The following CDH11 variants were observed in gnomAD, a reference collection of about 807,000 sequenced individuals.
CDH11 encodes the protein cadherin 11, also known as cadherin-11.
In CDH11, 11 loss-of-function variants were observed where a neutral mutation model predicts 67.8. The ratio of observed to expected loss-of-function variants is 0.16; its 90% CI spans 0.10 to 0.27. The LOEUF is 0.27. CDH11 is among the 10% of genes least tolerant of loss of function. The pLI is 1.00. For synonymous variants in CDH11, 419 were observed against 400.0 expected (o/e 1.05, Z -0.57); for missense variants, 847 against 1,031.2 (o/e 0.82, Z 2.45).
At chr16:65,063,988 G>C (rs768138539) in intron 1 of CDH11, among the ~76,000 whole-genome samples, 2 of 152,162 alleles carry the variant, frequency 1.3e-5, no homozygotes, top group Non-Finnish European at 2.9e-5. Context: ...CATGTGTTGG[G>C]GATTTCATGG....
chr16:65,019,106 A>G (rs929629085), intron 2 of CDH11, among the ~76,000 whole-genome samples: 2 of 152,202 alleles, frequency 1.3e-5, no homozygotes, highest in Non-Finnish European at 2.9e-5. Context: ...AAAGCCAAAC[A>G]CCATTTTATA....
Position 65,004,713 on chromosome 16 carries a change from G to T in CDH11, c.157C>A (p.Arg53Ser), listed in dbSNP as rs745457288. Residue 53 changes from arginine to serine, a missense_variant, in exon 3 of 13, where the codon CGT (arginine) becomes AGT (serine). By Grantham distance (110) the Arg-to-Ser change is moderately radical. Around this residue, in one of 2 missense-constraint regions of CDH11, gnomAD observed 235 missense variants for 352.5 expected, o/e 0.67. Coordinates refer to ENST00000268603, the MANE Select transcript of CDH11 (RefSeq NM_001797.4). ...KEGQVLQRSK[R>S]GWVWNQFFVI... ...AAGAACTGGTTCCAGACCCAGCCAC[G>T]CTTGGAGCGCTGTAGCACCTGCCCC... is the stretch of plus-strand genomic sequence containing the variant. 6.2e-7 allele frequency: 1 copy of T among 1,613,936 alleles called. No individual in the cohort carries two copies.
rs2071224581 is a variant in CDH11, at chr16:64,947,511, T to C, written c.*92A>G. 2 of 1,515,640 alleles carry C rather than the reference T, an allele frequency of 1.3e-6. No individual in the cohort carries two copies. The highest frequency in any genetic ancestry group is 1.8e-6 in the Non-Finnish European group (2 of 1,135,528). 93.9% of individuals were successfully genotyped at this position (1,515,640 alleles called of 1,614,324 possible). A position where few individuals can be genotyped will look rare whatever the true frequency, so the allele number is the denominator to read the frequency against. ...AACTTTGCCTGTTTTAAATGAGCCT[T>C]TCCTTGATTTAAAAAAATACCTGTT... On this transcript the variant is annotated 3_prime_UTR_variant, in exon 13 of 13. Transcript: ENST00000268603.
Position 65,121,828 on chromosome 16 carries a change from AT to A in CDH11, c.-298+51del. On this transcript the variant is annotated intron_variant, in intron 1 of 12. Coordinates refer to ENST00000268603, the MANE Select transcript of CDH11 (RefSeq NM_001797.4). The surrounding 1 kb of genome is among the most constrained non-coding windows in gnomAD (Gnocchi z 4.1). ...TCTTCCTGAGAAAATCCTGCCCCCCATTCCAAGAAGCCCCAACCAGGCGAGA... is the reference window on the plus strand; with the variant it reads ...TCTTCCTGAGAAAATCCTGCCCCCCATCCAAGAAGCCCCAACCAGGCGAGA... 1 of 684,954 alleles carries A rather than the reference AT, an allele frequency of 1.5e-6. No homozygotes were observed. Among genetic ancestry groups the A allele is most frequent in the South Asian group, 1.5e-5 (1 of 67,180 alleles). 42.4% of individuals were successfully genotyped at this position (684,954 alleles called of 1,614,324 possible).
Position 64,998,741 on chromosome 16 carries a change from G to A in CDH11, c.344C>T (p.Thr115Met), listed in dbSNP as rs761904057. The A allele has an allele frequency of 9.3e-6, 15 of 1,613,980 alleles. No homozygotes were observed. Among genetic ancestry groups the A allele is most frequent in the African/African-American group, 6.7e-5 (5 of 74,890 alleles). Residue 115 changes from threonine to methionine, a missense_variant, in exon 4 of 13, where the codon ACG (threonine) becomes ATG (methionine). Thr to Met is a moderately conservative substitution (Grantham distance 81). Around this residue, in one of 2 missense-constraint regions of CDH11, gnomAD observed 235 missense variants for 352.5 expected, o/e 0.67. Coordinates refer to ENST00000268603, the MANE Select transcript of CDH11 (RefSeq NM_001797.4). ...DKSGNIHATK[T>M]LDREERAQYT... ...CTGGGCTCTCTCTTCTCGATCCAAC[G>A]TCTTGGTGGCATGAATGTTCCCTGA...
chr16:65,007,589 A>C (rs1437864150), intron 2 of CDH11, among the ~76,000 whole-genome samples: 1 of 152,204 alleles, frequency 6.6e-6, no homozygotes, highest in African/African-American at 2.4e-5. Flanking sequence ...TTCTGAGCAG[A>C]AGTCATGAAA....
chr16:65,123,410 A>C (rs1245168226), upstream of CDH11, among the ~76,000 whole-genome samples: 1 of 151,964 alleles, frequency 6.6e-6, no homozygotes, highest in Non-Finnish European at 1.5e-5. Context: ...CGCCACAGCC[A>C]AGCAGTTTGA....
At chr16:65,038,783 T>C (rs777111469) in intron 2 of CDH11, among the ~76,000 whole-genome samples, 1 of 148,890 alleles carries the variant, frequency 6.7e-6, no homozygotes, top group African/African-American at 2.6e-5. Context: ...GGGAAACAAA[T>C]ACAGCATTCT....
intron 1 of CDH11, among the ~76,000 whole-genome samples, chr16:65,108,306 T>C (rs1054754431): frequency 3.3e-5 from 5 of 152,172 alleles, no homozygotes; most frequent in African/African-American, 7.2e-5. Context: ...CCTGCAATGA[T>C]TGCAGCAGGA....
chr16:64,987,290 A>C (rs2072511497), intron 7 of CDH11: 1 of 152,106 alleles, frequency 6.6e-6, no homozygotes, highest in Non-Finnish European at 1.5e-5. Context: ...TGTTTTCAAA[A>C]TGTCTTGAGA....
At chr16:64,948,299 C>T (rs1348649700) in intron 12 of CDH11, among the ~76,000 whole-genome samples, 200 bp from the exon 13 acceptor site, 1 of 152,160 alleles carries the variant, frequency 6.6e-6, no homozygotes, top group African/African-American at 2.4e-5. Context: ...ACAAATGCTG[C>T]CATGAAAACA....
chr16:65,022,666 C>G (rs1408568584), intron 2 of CDH11, among the ~76,000 whole-genome samples: 1 of 152,222 alleles, frequency 6.6e-6, no homozygotes, highest in Admixed American at 6.5e-5. Flanking sequence ...CAAGTTTCAC[C>G]TTGGGTGGAC....
rs867516264 is a variant in CDH11, at chr16:64,947,895, T to C, written c.2099A>G (p.Tyr700Cys). ...FIPRKDIKPE[Y>C]QYMPRPGLRP... ...GAGCCCAGGTCTAGGCATGTACTGA[T>C]ACTCAGGTTTGATGTCTTTGCGGGG... Residue 700 changes from tyrosine (Y) to cysteine (C), a missense_variant, in exon 13 of 13, where the codon TAT (tyrosine) becomes TGT (cysteine). Around this residue, in one of 2 missense-constraint regions of CDH11, gnomAD observed 612 missense variants for 678.7 expected, o/e 0.90. Transcript: ENST00000268603. 6.2e-7 allele frequency: 1 copy of C among 1,614,214 alleles called. No individual in the cohort carries two copies. The highest frequency in any genetic ancestry group is 1.1e-5 in the South Asian group (1 of 91,086).
At chr16:65,044,417 C>T (rs1458757797) in intron 2 of CDH11, among the ~76,000 whole-genome samples, 1 of 151,960 alleles carries the variant, frequency 6.6e-6, no homozygotes, top group Non-Finnish European at 1.5e-5. Flanking sequence ...TAGGGTAGAA[C>T]ACTATATTCC....
intron 2 of CDH11, among the ~76,000 whole-genome samples, chr16:65,035,180 A>C (rs1306492842): frequency 6.6e-6 from 1 of 152,220 alleles, no homozygotes; most frequent in African/African-American, 2.4e-5. Flanking sequence ...TGTCAATCGG[A>C]GCATCCAGGG....
chr16:65,056,850 A>G (rs1203487922), intron 1 of CDH11, among the ~76,000 whole-genome samples: 1 of 152,198 alleles, frequency 6.6e-6, no homozygotes, highest in Non-Finnish European at 1.5e-5. Flanking sequence ...TTTGTCTTGC[A>G]TTCTTTACCT....
chr16:65,053,872 A>T lies in CDH11; in HGVS notation c.-241T>A. ...CTCCACCCATCTGATTGGTCACTCAACAAATGACAACACGAAGGAATGTCA... is the reference window on the plus strand; with the variant it reads ...CTCCACCCATCTGATTGGTCACTCATCAAATGACAACACGAAGGAATGTCA... On this transcript the variant is annotated 5_prime_UTR_variant, in exon 2 of 13. In the 5' UTR this introduces an upstream ATG that the reference lacks. Coordinates refer to ENST00000268603, the MANE Select transcript of CDH11 (RefSeq NM_001797.4). The T allele has an allele frequency of 2.2e-6, 1 of 456,090 alleles. No individual in the cohort carries two copies. Among genetic ancestry groups the T allele is most frequent in the South Asian group, 1.5e-5 (1 of 64,560 alleles). 28.3% of individuals were successfully genotyped at this position (456,090 alleles called of 1,614,324 possible).
intron 1 of CDH11, among the ~76,000 whole-genome samples, chr16:65,065,407 G>A (rs946455188): frequency 2.0e-5 from 3 of 152,202 alleles, no homozygotes; most frequent in Admixed American, 6.5e-5. Flanking sequence ...GAAATAATTT[G>A]AATGAAGGTC....
chr16:65,069,989 G>A (rs541784408), intron 1 of CDH11, among the ~76,000 whole-genome samples: 8 of 152,148 alleles, frequency 5.3e-5, no homozygotes, highest in African/African-American at 1.9e-4. Flanking sequence ...AATTTCCCAG[G>A]AGAACTCTTG....
Sources: allele counts gnomAD v4.1 joint callset (sites outside exome capture counted in the v4.1 genomes callset), GRCh38; gene constraint gnomAD v4.1.1; regional missense constraint gnomAD v4.1.1; non-coding constraint Gnocchi (gnomAD v3.1); transcripts MANE v1.5; gene names NCBI Gene and HGNC (gene_info 2026-07-23, HGNC 2026-07-21).